The following NMRK1 variants were observed in gnomAD, a reference collection of about 807,000 sequenced individuals.
NMRK1 encodes the protein NRK 1.
In NMRK1, 28 loss-of-function variants were observed where a neutral mutation model predicts 29.9. The observed-to-expected ratio is 0.94, with a 90% CI of 0.69 to 1.28. The LOEUF is 1.28. Ranked by LOEUF, NMRK1 falls within the 50% of genes most tolerant of loss-of-function variation. The pLI is 0.00. For missense variants in NMRK1, 218 were observed against 233.1 expected (o/e 0.94, Z 0.42); for synonymous variants, 58 against 73.0 (o/e 0.79, Z 1.05).
At chr9:75,087,773 T>C (rs1250069447) in intron 1 of NMRK1, 1 of 152,260 alleles carries the variant, frequency 6.6e-6, no homozygotes, top group Non-Finnish European at 1.5e-5. Context: ...GCGCGGTCTC[T>C]TGGAGGCAGC....
chr9:75,087,051 G>A (rs1294769024), intron 1 of NMRK1, among the ~76,000 whole-genome samples: 1 of 151,946 alleles, frequency 6.6e-6, no homozygotes, highest in East Asian at 1.9e-4. Context: ...GACTACAGGC[G>A]TCTGCCACCA....
chr9:75,072,279 T>C (rs1265670707), intron 4 of NMRK1, among the ~76,000 whole-genome samples: 1 of 152,204 alleles, frequency 6.6e-6, no homozygotes, highest in African/African-American at 2.4e-5. Context: ...CTTTCTTTTT[T>C]CCTTTCAGTC....
chr9:75,079,770 G>C (rs1587397715), intron 2 of NMRK1, among the ~76,000 whole-genome samples: 2 of 152,094 alleles, frequency 1.3e-5, no homozygotes, highest in African/African-American at 2.4e-5. Context: ...GGATAGGAAT[G>C]GGGGAATAGG....
Position 75,078,532 on chromosome 9 carries a change from C to T in NMRK1, c.30-952G>A. On this transcript the variant is annotated intron_variant, in intron 2 of 8. Coordinates refer to ENST00000361092, the MANE Select transcript of NMRK1 (RefSeq NM_017881.3). The stretch of plus-strand genomic sequence containing the variant: ...GAGGAGATCACACGGGAGGGAGGCA[C>T]TTCTCGATTCAGTCATTTATTGAAA... The T allele has an allele frequency of 2.3e-6, 3 of 1,289,174 alleles. No homozygotes were observed. The South Asian group carries it at 8.1e-5, about 35-fold the overall frequency. The allele number at this position is 1,289,174 out of a possible 1,614,324, so 79.9% of individuals were successfully genotyped here. A position where few individuals can be genotyped will look rare whatever the true frequency, so the allele number is the denominator to read the frequency against.
At chr9:75,066,937 T>A (rs908603236) in intron 7 of NMRK1, 97 bp from the exon 8 acceptor site, 5 of 706,544 alleles carry the variant, frequency 7.1e-6, no homozygotes, top group Non-Finnish European at 1.2e-5. Context: ...TGCCAATAGG[T>A]TTAACCAAGG....
rs943241204 is a variant in NMRK1, at chr9:75,066,597, C to G, written c.580+160G>C. Among the ~76,000 whole-genome samples the G allele has an allele frequency of 5.9e-5, 9 of 152,046 alleles. No homozygotes were observed. The South Asian group carries it at 1.7e-3, about 28-fold the overall frequency. ...GACAAAATAATTGAGTCTCCAAACC[C>G]CCCCCCAGAATTTCTGATTCTGAAT... On this transcript the variant is annotated intron_variant, in intron 8 of 8. Transcript: ENST00000361092.
At chr9:75,085,865 G>A (rs1824596379) in intron 1 of NMRK1, among the ~76,000 whole-genome samples, 1 of 139,884 alleles carries the variant, frequency 7.1e-6, no homozygotes, top group East Asian at 2.1e-4. Context: ...GTGACAATGT[G>A]ATGGGAAGGG....
chr9:75,062,985 C>T (rs542029499), intron 8 of NMRK1, among the ~76,000 whole-genome samples: 8 of 152,042 alleles, frequency 5.3e-5, no homozygotes, highest in South Asian at 2.1e-4. Context: ...GAGCTGAGAT[C>T]GTGCCACTGC....
At chr9:75,063,991 A>G (rs1443994223) in intron 8 of NMRK1, among the ~76,000 whole-genome samples, 1 of 152,052 alleles carries the variant, frequency 6.6e-6, no homozygotes. Context: ...ACTAATATCT[A>G]GAAGCCTCAA....
intron 8 of NMRK1, among the ~76,000 whole-genome samples, chr9:75,062,543 A>G (rs1453438421): frequency 6.6e-6 from 1 of 152,150 alleles, no homozygotes; most frequent in East Asian, 1.9e-4. Flanking sequence ...AATGAAATCT[A>G]TAAAGCTGCA....
At chr9:75,066,628 TCAAAG>T in intron 8 of NMRK1, 124 bp downstream of exon 8, 1 of 713,868 alleles carries the variant, frequency 1.4e-6, no homozygotes. Flanking sequence ...TGAATTATCC[TCAAAG>T]CAAAGAATGG....
chr9:75,066,421 T>TA (rs781217870), intron 8 of NMRK1: 31 of 396,582 alleles, frequency 7.8e-5, no homozygotes, highest in Admixed American at 3.2e-4. Flanking sequence ...CTGGACATAC[T>TA]AAAAAAAATC....
chr9:75,077,129 A>G, intron 4 of NMRK1, 30 bp downstream of exon 4: 1 of 1,316,968 alleles, frequency 7.6e-7, no homozygotes, highest in South Asian at 1.2e-5. Flanking sequence ...GAACATAAGC[A>G]TATAATATTT....
At chr9:75,072,137 T>C (rs570696667) in intron 4 of NMRK1, among the ~76,000 whole-genome samples, 9 of 152,304 alleles carry the variant, frequency 5.9e-5, no homozygotes, top group African/African-American at 2.2e-4. Context: ...CTTTTCCTTG[T>C]CCCTTTTTTA....
At chr9:75,064,060 G>A (rs951682614) in intron 8 of NMRK1, among the ~76,000 whole-genome samples, 2 of 152,018 alleles carry the variant, frequency 1.3e-5, no homozygotes, top group Admixed American at 6.6e-5. Context: ...AAGGAGGGGC[G>A]TCACAACACA....
chr9:75,069,109 A>T lies in NMRK1; in HGVS notation c.390-7T>A. On this transcript the variant is annotated splice_region_variant and splice_polypyrimidine_tract_variant and intron_variant, in intron 6 of 8. Coordinates refer to ENST00000361092, the MANE Select transcript of NMRK1 (RefSeq NM_017881.3). ...AGGCTGATAGACCCTTGTACTATCAAAACACGTAGGAAACTTTATGTTGAC... is the reference window on the plus strand; with the variant it reads ...AGGCTGATAGACCCTTGTACTATCATAACACGTAGGAAACTTTATGTTGAC... 6.3e-7 allele frequency: 1 copy of T among 1,584,230 alleles called. No homozygotes were observed. The highest frequency in any genetic ancestry group is 1.1e-5 in the South Asian group (1 of 90,320).
rs1014040501 is a variant in NMRK1 at position 75,070,124 on chromosome 9, A to T, written c.170-82T>A. The T allele has an allele frequency of 1.5e-5, 15 of 1,032,396 alleles. No homozygotes were observed. The African/African-American group carries it at 1.9e-4, about 13-fold the overall frequency. 64.0% of individuals were successfully genotyped at this position (1,032,396 alleles called of 1,614,324 possible). The stretch of plus-strand genomic sequence containing the variant: ...ACTTTTTGTGATGAGTATATCCAGG[A>T]TTCTGTAAATATATACACCACCATT... On this transcript the variant is annotated intron_variant, in intron 4 of 8. Coordinates refer to ENST00000361092, the MANE Select transcript of NMRK1 (RefSeq NM_017881.3).
At chr9:75,075,772 T>C (rs540214284) in intron 4 of NMRK1, among the ~76,000 whole-genome samples, 26 of 152,350 alleles carry the variant, frequency 1.7e-4, no homozygotes, top group Non-Finnish European at 3.5e-4. Context: ...CCTAGTACTT[T>C]GGCCACCAAG....
chr9:75,087,511 C>T (rs1385769173), intron 1 of NMRK1: 2 of 151,980 alleles, frequency 1.3e-5, no homozygotes, highest in African/African-American at 4.8e-5. Context: ...ATGAGCGTGA[C>T]CGTGTTCCAG....
Sources: gnomAD v4.1 joint callset for allele counts (sites outside exome capture counted in the v4.1 genomes callset) on GRCh38, gnomAD v4.1.1 for gene constraint, MANE v1.5 for transcripts, NCBI Gene and HGNC (gene_info 2026-07-23, HGNC 2026-07-21) for gene names.